Variants in ANKRD22 observed in about 807,000 individuals in gnomAD.
ANKRD22 encodes the protein ankyrin repeat domain 22.
ANKRD22 carries 24 observed loss-of-function variants against 25.7 expected under a neutral mutation model. The ratio of observed to expected loss-of-function variants is 0.93; its 90% CI spans 0.68 to 1.31. The LOEUF is 1.31. ANKRD22 is among the 50% of genes most tolerant of loss of function. ANKRD22 has a pLI of 0.00. For synonymous variants in ANKRD22, 84 were observed against 84.3 expected (o/e 1.00, Z 0.02); for missense variants, 214 against 227.1 (o/e 0.94, Z 0.37).
intron 3 of ANKRD22, among the ~76,000 whole-genome samples, chr10:88,827,564 T>C (rs1843866597): frequency 6.6e-6 from 1 of 152,250 alleles, no homozygotes; most frequent in Non-Finnish European, 1.5e-5. Context: ...AAATACATAA[T>C]GAATTTTTAA....
At chr10:88,839,137 T>C (rs1341194128) in intron 1 of ANKRD22, among the ~76,000 whole-genome samples, 1 of 152,144 alleles carries the variant, frequency 6.6e-6, no homozygotes, top group East Asian at 1.9e-4. Context: ...CCTTTACACT[T>C]GCATGTGACC....
chr10:88,834,521 T>C (rs1005922582), intron 1 of ANKRD22, among the ~76,000 whole-genome samples: 1 of 152,230 alleles, frequency 6.6e-6, no homozygotes, highest in African/African-American at 2.4e-5. Flanking sequence ...CATGAATAGC[T>C]TGGAAACAAG....
intron 1 of ANKRD22, among the ~76,000 whole-genome samples, chr10:88,846,306 C>T (rs1013751919): frequency 7.2e-5 from 11 of 152,112 alleles, no homozygotes; most frequent in South Asian, 4.1e-4. Flanking sequence ...ATCCTTTATG[C>T]GAAACACCCA....
At chr10:88,836,028 AAT>A (rs1450481576) in intron 1 of ANKRD22, among the ~76,000 whole-genome samples, 1 of 152,202 alleles carries the variant, frequency 6.6e-6, no homozygotes, top group East Asian at 1.9e-4. Flanking sequence ...TCTATCCCCT[AAT>A]AGTCTCAGAA....
chr10:88,842,456 C>T (rs12268601), intron 1 of ANKRD22, among the ~76,000 whole-genome samples: 4,261 of 152,190 alleles, frequency 0.028, 217 homozygotes, highest in African/African-American at 0.099. Flanking sequence ...ATAATAAACT[C>T]TACCCACAAA....
At chr10:88,850,413 T>C (rs953507760) in intron 1 of ANKRD22, among the ~76,000 whole-genome samples, 1 of 152,108 alleles carries the variant, frequency 6.6e-6, no homozygotes, top group Non-Finnish European at 1.5e-5. Context: ...TGTATAGACA[T>C]TAAAAACGGG....
intron 4 of ANKRD22, among the ~76,000 whole-genome samples, chr10:88,825,522 G>A (rs1034275675): frequency 6.6e-6 from 1 of 152,206 alleles, no homozygotes; most frequent in African/African-American, 2.4e-5. Flanking sequence ...TGGGATTTTG[G>A]CTGCAGTGGC....
intron 3 of ANKRD22, among the ~76,000 whole-genome samples, chr10:88,828,012 T>C (rs577561483): frequency 6.6e-6 from 1 of 152,350 alleles, no homozygotes; most frequent in African/African-American, 2.4e-5. Context: ...AACTACATCT[T>C]TCTTTATTCA....
intron 1 of ANKRD22, among the ~76,000 whole-genome samples, chr10:88,835,489 G>C (rs1016892707): frequency 2.0e-5 from 3 of 152,174 alleles, no homozygotes; most frequent in African/African-American, 7.2e-5. Context: ...TACTAATATG[G>C]TATAGCCTGT....
In ANKRD22 at chr10:88,831,950, T is replaced by C. The variant is rs886529179; in HGVS notation, c.98A>G (p.Asn33Ser). 1.2e-6 allele frequency: 2 copies of C among 1,613,996 alleles called. No homozygotes were observed. Among genetic ancestry groups the C allele is most frequent in the Non-Finnish European group, 1.7e-6 (2 of 1,179,918 alleles). Residue 33 changes from asparagine to serine, a missense_variant, in exon 2 of 6, where the codon AAC (asparagine) becomes AGC (serine). Asn to Ser is a conservative substitution (Grantham distance 46). Coordinates refer to ENST00000371930, the MANE Select transcript of ANKRD22 (RefSeq NM_144590.3). ...RWVKEDSSYA[N>S]VQDGFNGDTP... is the part of the protein sequence containing the mutation. The stretch of plus-strand genomic sequence containing the variant: ...GTCTCCATTAAAGCCATCTTGAACG[T>C]TGGCATAGCTGCTGTCTTCTTTCAC...
At chr10:88,846,605 C>T (rs1035290333) in intron 1 of ANKRD22, among the ~76,000 whole-genome samples, 1 of 152,186 alleles carries the variant, frequency 6.6e-6, no homozygotes, top group African/African-American at 2.4e-5. Flanking sequence ...TCCCTGGTGA[C>T]CCATGCCTTT....
chr10:88,831,952 G>A lies in ANKRD22; in HGVS notation c.96C>T (p.Ala32=), dbSNP rs1004682746. ...WRWVKEDSSY[A]NVQDGFNGDT... is the part of the protein sequence containing the mutation. ...CTCCATTAAAGCCATCTTGAACGTT[G>A]GCATAGCTGCTGTCTTCTTTCACCC... Residue 32 remains alanine (A), a synonymous_variant, in exon 2 of 6, where the codon GCC becomes GCT. Coordinates refer to ENST00000371930, the MANE Select transcript of ANKRD22 (RefSeq NM_144590.3). 6.2e-7 allele frequency: 1 copy of A among 1,613,880 alleles called. No homozygotes were observed. Among genetic ancestry groups the A allele is most frequent in the Non-Finnish European group, 8.5e-7 (1 of 1,179,906 alleles).
intron 1 of ANKRD22, among the ~76,000 whole-genome samples, chr10:88,849,365 C>T (rs748377680): frequency 3.3e-5 from 5 of 152,142 alleles, no homozygotes; most frequent in Non-Finnish European, 7.4e-5. Context: ...CTGGTTAGAA[C>T]AGTGGCAGAA....
Position 88,851,587 on chromosome 10 carries a change from C to G in ANKRD22, c.21G>C (p.Glu7Asp). Reference protein sequence around the residue: MGILYSEPICQAAYQND... With the variant: MGILYSDPICQAAYQND... Reference sequence around the variant, plus strand: ...CTCTGCTTTCAGAAAGGTGATGTACCTCAGAGTATAGGATTCCCATGCTGG... The same window carrying G: ...CTCTGCTTTCAGAAAGGTGATGTACGTCAGAGTATAGGATTCCCATGCTGG... Residue 7 changes from glutamate (E) to aspartate (D), a missense_variant and splice_region_variant, in exon 1 of 6, where the codon GAG (glutamate) becomes GAC (aspartate). By Grantham distance (45) the Glu-to-Asp change is conservative. Coordinates refer to ENST00000371930, the MANE Select transcript of ANKRD22 (RefSeq NM_144590.3). 6.2e-7 allele frequency: 1 copy of G among 1,613,312 alleles called. No homozygotes were observed. The highest frequency in any genetic ancestry group is 2.2e-5 in the East Asian group (1 of 44,870).
chr10:88,823,793 G>T (rs1372498490), intron 4 of ANKRD22, among the ~76,000 whole-genome samples: 1 of 134,474 alleles, frequency 7.4e-6, no homozygotes, highest in Non-Finnish European at 1.5e-5. Flanking sequence ...GCGCCACTGC[G>T]CTCCAGCCTG....
chr10:88,846,919 T>C (rs1018235245), intron 1 of ANKRD22, among the ~76,000 whole-genome samples: 3 of 152,190 alleles, frequency 2.0e-5, no homozygotes, highest in Non-Finnish European at 4.4e-5. Flanking sequence ...CTCTGCTGCT[T>C]TCTGATCAGC....
rs530086871 is a variant in ANKRD22 at position 88,821,357 on chromosome 10, A to T, written c.*1584T>A. 1.3e-5 allele frequency among the ~76,000 whole-genome samples: 2 copies of T among 152,344 alleles called. No individual in the cohort carries two copies. The highest frequency in any genetic ancestry group is 4.8e-5 in the African/African-American group (2 of 41,578). ...GACAGTCTCTGCAACTCATTGACAA[A>T]CCATGATTTATTTCTTCAGAAAATT... On this transcript the variant is annotated 3_prime_UTR_variant, in exon 6 of 6. Coordinates refer to ENST00000371930, the MANE Select transcript of ANKRD22 (RefSeq NM_144590.3).
At chr10:88,829,578 TATTGCATATGC>T (rs1843885996) in intron 2 of ANKRD22, among the ~76,000 whole-genome samples, 1 of 152,232 alleles carries the variant, frequency 6.6e-6, no homozygotes, top group South Asian at 2.1e-4. Flanking sequence ...TGTAGAATGA[TATTGCATATGC>T]AATATCATAT....
chr10:88,846,812 A>G (rs1226220420), intron 1 of ANKRD22, among the ~76,000 whole-genome samples: 1 of 152,126 alleles, frequency 6.6e-6, no homozygotes, highest in Non-Finnish European at 1.5e-5. Flanking sequence ...TTCTGAAGCA[A>G]TAATGCCAAA....
Sources: allele counts gnomAD v4.1 joint callset (sites outside exome capture counted in the v4.1 genomes callset), GRCh38; gene constraint gnomAD v4.1.1; transcripts MANE v1.5; gene names NCBI Gene and HGNC (gene_info 2026-07-23, HGNC 2026-07-21).